Variants in HELZ observed in about 807,000 individuals in gnomAD.
The protein encoded by HELZ is ATP-dependent RNA helicase with zinc finger domain.
HELZ carries 23 observed loss-of-function variants against 218.2 expected under a neutral mutation model. That is an observed-to-expected ratio of 0.11 (90% CI 0.08 to 0.15). HELZ has a LOEUF of 0.15. Ranked by LOEUF, HELZ falls within the 10% of genes least tolerant of loss-of-function variation. The pLI is 1.00. For missense variants in HELZ, 1,813 were observed against 2,353.7 expected, an observed-to-expected ratio of 0.77 and a Z score of 4.75; for synonymous variants, 814 against 829.4, an observed-to-expected ratio of 0.98 and a Z score of 0.32.
chr17:67,086,635 T>TATATATATATAA (rs2036393990), intron 32 of HELZ, among the ~76,000 whole-genome samples, 194 bp downstream of exon 32: 2 of 80,006 alleles, frequency 2.5e-5, no homozygotes, highest in African/African-American at 4.2e-5. Context: ...AATATAAATA[T>TATATATATATAA]ATATATATAT....
intron 27 of HELZ, among the ~76,000 whole-genome samples, chr17:67,117,545 C>A (rs944673557): frequency 1.3e-5 from 2 of 149,478 alleles, no homozygotes; most frequent in Non-Finnish European, 3.0e-5. Flanking sequence ...ACTGTATATA[C>A]TGAAAACTTT....
chr17:67,120,050 C>G (rs1598265018), intron 27 of HELZ: 1 of 335,744 alleles, frequency 3.0e-6, no homozygotes, highest in East Asian at 9.7e-5. Context: ...ATCGCCCAGG[C>G]TGGAGTACAG....
intron 31 of HELZ, among the ~76,000 whole-genome samples, chr17:67,101,077 T>A (rs1298512421): frequency 7.1e-6 from 1 of 140,980 alleles, no homozygotes; most frequent in African/African-American, 2.7e-5. Context: ...GCCACTGCAC[T>A]GCAGCCTGGG....
chr17:67,191,658 G>A (rs1397840165), intron 9 of HELZ, among the ~76,000 whole-genome samples: 2 of 151,280 alleles, frequency 1.3e-5, no homozygotes, highest in Non-Finnish European at 1.5e-5. Flanking sequence ...TTGCATGTTG[G>A]CCAGGCTGGT....
intron 31 of HELZ, among the ~76,000 whole-genome samples, chr17:67,089,412 T>C (rs1185066133): frequency 6.6e-6 from 1 of 151,954 alleles, no homozygotes; most frequent in East Asian, 1.9e-4. Context: ...AAAATTTATA[T>C]CATTTGTATC....
chr17:67,094,974 A>G lies in HELZ; in HGVS notation c.5242-7893T>C, dbSNP rs534819320. ...CTGTGGCAATTTCTTAAAATAAGAC[A>G]ATAATAAAGTTTGCCGCATCAGTTG... On this transcript the variant is annotated intron_variant, in intron 31 of 32. Coordinates refer to ENST00000358691, the MANE Select transcript of HELZ (RefSeq NM_014877.4). Among the ~76,000 whole-genome samples, 16 of 152,322 alleles carry G rather than the reference A, an allele frequency of 1.1e-4. No individual in the cohort carries two copies. In the East Asian group the frequency reaches 2.5e-3, roughly 24 times the overall value.
At chr17:67,155,902 A>G (rs1412056845) in intron 17 of HELZ, among the ~76,000 whole-genome samples, 1 of 150,992 alleles carries the variant, frequency 6.6e-6, no homozygotes, top group Non-Finnish European at 1.5e-5. Flanking sequence ...AAATTAAGAC[A>G]TAACAGTTGA....
At chr17:67,100,916 T>C (rs918929772) in intron 31 of HELZ, among the ~76,000 whole-genome samples, 2 of 151,716 alleles carry the variant, frequency 1.3e-5, no homozygotes, top group Non-Finnish European at 2.9e-5. Context: ...CTGGCTAACA[T>C]GGTGAACCCC....
chr17:67,158,710 GT>G (rs1176429899), intron 17 of HELZ, among the ~76,000 whole-genome samples: 1 of 152,058 alleles, frequency 6.6e-6, no homozygotes, highest in African/African-American at 2.4e-5. Context: ...CTCTCTGTAA[GT>G]TAAAGGGCGA....
intron 13 of HELZ, among the ~76,000 whole-genome samples, chr17:67,170,796 C>T (rs1221540602): frequency 6.7e-6 from 1 of 148,394 alleles, no homozygotes; most frequent in African/African-American, 2.5e-5. Flanking sequence ...CACCGCACTC[C>T]AGCCTCAGTG....
At chr17:67,132,985 G>A (rs1296963467) in intron 23 of HELZ, among the ~76,000 whole-genome samples, 1 of 152,060 alleles carries the variant, frequency 6.6e-6, no homozygotes, top group Non-Finnish European at 1.5e-5. Flanking sequence ...TATATTCTCT[G>A]AGCTTACTTG....
At chr17:67,178,978 TA>T in intron 12 of HELZ, 52 bp from the exon 13 acceptor site, 6 of 1,168,648 alleles carry the variant, frequency 5.1e-6, no homozygotes, top group Non-Finnish European at 7.2e-6. Context: ...TTAAAATTTT[TA>T]AATAACATTA....
At chr17:67,125,610 C>A (rs1598277430) in intron 24 of HELZ, among the ~76,000 whole-genome samples, 1 of 151,992 alleles carries the variant, frequency 6.6e-6, no homozygotes, top group South Asian at 2.1e-4. Context: ...CCAGGGACAA[C>A]TGCTTAGCAT....
rs527677063 is a variant in HELZ, at chr17:67,191,015, G to A, written c.558-660C>T. 1.9e-3 allele frequency among the ~76,000 whole-genome samples: 282 copies of A among 152,118 alleles called. 2 individuals carry two copies. The highest frequency in any genetic ancestry group is 6.6e-3 in the African/African-American group (274 of 41,506). ...GAGCCACCACGCCCAGCCAGAGTAG[G>A]ATTTTTTTAAGCAATACTGACATCA... On this transcript the variant is annotated intron_variant, in intron 9 of 32. Coordinates refer to ENST00000358691, the MANE Select transcript of HELZ (RefSeq NM_014877.4).
intron 23 of HELZ, among the ~76,000 whole-genome samples, chr17:67,130,965 T>C (rs1050140379): frequency 6.6e-6 from 1 of 152,116 alleles, no homozygotes; most frequent in Non-Finnish European, 1.5e-5. Flanking sequence ...TCACAGCTCA[T>C]TGTAACCTTG....
rs2035941306 is a variant in HELZ, at chr17:67,073,326, G to C, written c.*4926C>G. ...TATATGAGGTAGAAACAGTTAAAAA[G>C]ACTCCCCACGAACATAATGAAAATT... On this transcript the variant is annotated 3_prime_UTR_variant, in exon 33 of 33. Transcript: ENST00000358691. The C allele has an allele frequency of 6.6e-6, 1 of 152,474 alleles. No individual in the cohort carries two copies. The highest frequency in any genetic ancestry group is 1.5e-5 in the Non-Finnish European group (1 of 67,996). 9.4% of individuals were successfully genotyped at this position (152,474 alleles called of 1,614,324 possible). A position where few individuals can be genotyped will look rare whatever the true frequency, so the allele number is the denominator to read the frequency against.
At chr17:67,117,711 G>A (rs1028531797) in intron 27 of HELZ, among the ~76,000 whole-genome samples, 8 of 151,870 alleles carry the variant, frequency 5.3e-5, no homozygotes, top group African/African-American at 1.9e-4. Context: ...CACCATGCCC[G>A]GATCATTTTT....
At position 67,074,035 on chromosome 17, in the gene HELZ, C is replaced by A. The variant is rs1050177476; in HGVS notation, c.*4217G>T. 1 of 152,124 alleles carries A rather than the reference C, an allele frequency of 6.6e-6. No individual in the cohort carries two copies. 9.4% of individuals were successfully genotyped at this position (152,124 alleles called of 1,614,324 possible). A position where few individuals can be genotyped will look rare whatever the true frequency, so the allele number is the denominator to read the frequency against. ...ACAAGAAATCGTAGATAGAACATTA[C>A]CTATTCTTTCTAATTTCTAGGCGGT... On this transcript the variant is annotated 3_prime_UTR_variant, in exon 33 of 33. Transcript: ENST00000358691.
In HELZ at chr17:67,076,574, GCAGCGCTTATC is replaced by G; in HGVS notation, c.*1667_*1677del. On this transcript the variant is annotated 3_prime_UTR_variant, in exon 33 of 33. Transcript: ENST00000358691. ...AGGTAGAGCTGAATACAAGAGGCACGCAGCGCTTATCCTGGAGCTTGCTAACCATTAACCAA... is the reference window on the plus strand; with the variant it reads ...AGGTAGAGCTGAATACAAGAGGCACGCTGGAGCTTGCTAACCATTAACCAA... 6.6e-6 allele frequency: 1 copy of G among 152,234 alleles called. No individual in the cohort carries two copies. 9.4% of individuals were successfully genotyped at this position (152,234 alleles called of 1,614,324 possible).
Sources: allele counts gnomAD v4.1 joint callset (sites outside exome capture counted in the v4.1 genomes callset), GRCh38; gene constraint gnomAD v4.1.1; transcripts MANE v1.5; gene names NCBI Gene and HGNC (gene_info 2026-07-23, HGNC 2026-07-21).